The following EYA1 variants were observed in gnomAD, a reference collection of about 807,000 sequenced individuals.
EYA1 encodes EYA transcriptional coactivator and phosphatase 1.
EYA1 carries 16 observed loss-of-function variants against 82.0 expected under a neutral mutation model. The observed-to-expected ratio is 0.20, with a 90% CI of 0.13 to 0.30. EYA1 has a LOEUF of 0.30. EYA1 is among the 10% of genes least tolerant of loss of function. The probability of loss-of-function intolerance (pLI) is 1.00; values close to 1 mark genes in which losing one functional copy is unlikely to be tolerated. For missense variants in EYA1, 633 were observed against 730.7 expected (o/e 0.87, Z 1.54); for synonymous variants, 261 against 264.4 (o/e 0.99, Z 0.12).
chr8:71,241,946 TG>T (rs1812522976), intron 12 of EYA1, among the ~76,000 whole-genome samples: 1 of 152,164 alleles, frequency 6.6e-6, no homozygotes, highest in African/African-American at 2.4e-5. Context: ...GACTCATGCC[TG>T]TAATCCCAGT....
At chr8:71,429,392 T>C (rs1299710258) in intron 2 of EYA1, among the ~76,000 whole-genome samples, 1 of 152,152 alleles carries the variant, frequency 6.6e-6, no homozygotes, top group Non-Finnish European at 1.5e-5. Context: ...TTTAAGAATG[T>C]TGCTAAATAC....
chr8:71,317,566 C>G lies in EYA1; in HGVS notation c.542G>C (p.Ser181Thr). ...TATATACAGACCTTGCATCTGGTAG[C>G]TGTATGGTGCCTGTCCAGGTTGAGG... ...STPQPGQAPY[S>T]YQMQGSSFTT... Residue 181 changes from serine (S) to threonine (T), a missense_variant, in exon 7 of 18, where the codon AGC becomes ACC. Ser to Thr is a moderately conservative substitution (Grantham distance 58). Coordinates refer to ENST00000340726, the MANE Select transcript of EYA1 (RefSeq NM_000503.6). The G allele has an allele frequency of 6.2e-7, 1 of 1,614,088 alleles. No individual in the cohort carries two copies. Among genetic ancestry groups the G allele is most frequent in the Non-Finnish European group, 8.5e-7 (1 of 1,179,976 alleles).
intron 17 of EYA1, among the ~76,000 whole-genome samples, chr8:71,200,390 A>G (rs1046000278): frequency 6.6e-6 from 1 of 152,174 alleles, no homozygotes; most frequent in Non-Finnish European, 1.5e-5. Context: ...TGTAGGTGAC[A>G]GTGAAAGCCA....
At chr8:71,268,566 A>G (rs895075037) in intron 11 of EYA1, among the ~76,000 whole-genome samples, 2 of 152,196 alleles carry the variant, frequency 1.3e-5, no homozygotes, top group African/African-American at 4.8e-5. Flanking sequence ...TATATTTTAT[A>G]ATCTGCATTT....
chr8:71,468,275 G>A (rs1808920663), intron 2 of EYA1, among the ~76,000 whole-genome samples: 1 of 152,012 alleles, frequency 6.6e-6, no homozygotes, highest in South Asian at 2.1e-4. Context: ...TCTGGTCTCT[G>A]GTCTTCCCAC....
At chr8:71,545,138 T>C (rs1041607486) in intron 1 of EYA1, among the ~76,000 whole-genome samples, 1 of 152,212 alleles carries the variant, frequency 6.6e-6, no homozygotes, top group Non-Finnish European at 1.5e-5. Context: ...ACTTATCAAC[T>C]CTATAATCTT....
At chr8:71,496,138 G>A (rs1294369193) in intron 2 of EYA1, among the ~76,000 whole-genome samples, 1 of 152,194 alleles carries the variant, frequency 6.6e-6, no homozygotes, top group African/African-American at 2.4e-5. Flanking sequence ...TTTCTAAGAA[G>A]AGGTCATATA....
At chr8:71,499,191 G>A (rs1811637449) in intron 2 of EYA1, among the ~76,000 whole-genome samples, 1 of 152,196 alleles carries the variant, frequency 6.6e-6, no homozygotes, top group South Asian at 2.1e-4. Flanking sequence ...GAGGAAAGTA[G>A]ACTTGAGTCA....
intron 2 of EYA1, among the ~76,000 whole-genome samples, chr8:71,432,756 A>T (rs772268377): frequency 1.3e-5 from 2 of 152,148 alleles, no homozygotes; most frequent in African/African-American, 4.8e-5. Flanking sequence ...CAATATATCA[A>T]TTTTGGGGGA....
At chr8:71,443,405 C>A (rs1232825743) in intron 2 of EYA1, among the ~76,000 whole-genome samples, 1 of 152,140 alleles carries the variant, frequency 6.6e-6, no homozygotes, top group East Asian at 1.9e-4. Context: ...AATTATTGTG[C>A]CTTAGCCACT....
intron 2 of EYA1, among the ~76,000 whole-genome samples, chr8:71,429,964 C>A (rs1437258467): frequency 6.6e-6 from 1 of 152,126 alleles, no homozygotes; most frequent in Non-Finnish European, 1.5e-5. Context: ...AAAGTAGAAT[C>A]TTAGGAATAA....
chr8:71,325,765 C>T (rs1223674033), intron 4 of EYA1, among the ~76,000 whole-genome samples: 1 of 152,134 alleles, frequency 6.6e-6, no homozygotes, highest in African/African-American at 2.4e-5. Flanking sequence ...TGTCAAAGGC[C>T]ATATAAGAAG....
chr8:71,431,103 C>T lies in EYA1; in HGVS notation c.34-74592G>A, dbSNP rs1275090949. ...AATAAACCTCTCCCTGGTATTAACT[C>T]AGCTACTACACAAGAAATCTATTAC... On this transcript the variant is annotated intron_variant, in intron 2 of 18. Transcript: ENST00000643681. Among the ~76,000 whole-genome samples the T allele has an allele frequency of 2.0e-5, 3 of 152,146 alleles. No homozygotes were observed. The East Asian group carries it at 5.8e-4, about 29-fold the overall frequency.
chr8:71,436,165 G>T (rs1282924678), intron 2 of EYA1, among the ~76,000 whole-genome samples: 4 of 151,956 alleles, frequency 2.6e-5, no homozygotes, highest in Non-Finnish European at 5.9e-5. Flanking sequence ...TAAATGATAT[G>T]ACATAATGTA....
At chr8:71,543,143 G>A (rs1334643510) in intron 1 of EYA1, among the ~76,000 whole-genome samples, 4 of 152,100 alleles carry the variant, frequency 2.6e-5, no homozygotes, top group African/African-American at 9.7e-5. Context: ...TGTTGCCTAG[G>A]TTGTCTTCCA....
At chr8:71,314,166 A>G (rs1488977308) in intron 7 of EYA1, among the ~76,000 whole-genome samples, 1 of 152,172 alleles carries the variant, frequency 6.6e-6, no homozygotes, top group Non-Finnish European at 1.5e-5. Context: ...GAACTGAGGG[A>G]ATTTTGAAAA....
At chr8:71,546,251 C>T (rs1182249823) in intron 1 of EYA1, among the ~76,000 whole-genome samples, 1 of 152,138 alleles carries the variant, frequency 6.6e-6, no homozygotes, top group Non-Finnish European at 1.5e-5. Context: ...CACAATTGTC[C>T]ATCAGACTGC....
chr8:71,359,189 G>A (rs1334171209), intron 1 of EYA1, among the ~76,000 whole-genome samples: 1 of 152,090 alleles, frequency 6.6e-6, no homozygotes. Flanking sequence ...TCCTAAACTA[G>A]TAACTTTGAC....
intron 2 of EYA1, among the ~76,000 whole-genome samples, chr8:71,445,774 G>A (rs996583265): frequency 6.6e-6 from 1 of 152,150 alleles, no homozygotes; most frequent in Admixed American, 6.5e-5. Context: ...GAGTAGCTGG[G>A]ACTACAGGCA....
Sources: gnomAD v4.1 joint callset for allele counts (sites outside exome capture counted in the v4.1 genomes callset) on GRCh38, gnomAD v4.1.1 for gene constraint, MANE v1.5 for transcripts, NCBI Gene and HGNC (gene_info 2026-07-23, HGNC 2026-07-21) for gene names.